GPC5: variants seen among roughly 807,000 people sequenced by gnomAD.
GPC5 encodes glypican-5.
In GPC5, 47 loss-of-function variants were observed where a neutral mutation model predicts 53.9. That is an observed-to-expected ratio of 0.87 (90% CI 0.69 to 1.11). The LOEUF (loss-of-function observed/expected upper bound fraction) is 1.11, where lower values mean the gene tolerates loss of function less well. Ranked by LOEUF, GPC5 falls within the 50% of genes most tolerant of loss-of-function variation. The pLI is 0.00. For missense variants in GPC5, 748 were observed against 713.1 expected, an observed-to-expected ratio of 1.05 and a Z score of -0.56; for synonymous variants, 286 against 263.3, an observed-to-expected ratio of 1.09 and a Z score of -0.84.
At chr13:92,748,546 CT>C (rs1255325001) in intron 7 of GPC5, among the ~76,000 whole-genome samples, 1 of 151,878 alleles carries the variant, frequency 6.6e-6, no homozygotes, top group Non-Finnish European at 1.5e-5. Flanking sequence ...TGGTCTTGAA[CT>C]CCTGACCTTG....
chr13:92,370,254 G>T (rs910859611), intron 7 of GPC5, among the ~76,000 whole-genome samples: 5 of 152,136 alleles, frequency 3.3e-5, no homozygotes, highest in African/African-American at 9.7e-5. Context: ...GTTCTTAGGT[G>T]CATGAGTTTT....
intron 7 of GPC5, among the ~76,000 whole-genome samples, chr13:92,569,849 C>A (rs115723880): frequency 6.6e-6 from 1 of 152,138 alleles, no homozygotes; most frequent in Non-Finnish European, 1.5e-5. Context: ...TGATACAGCA[C>A]GGAACTATCA....
At chr13:91,762,303 A>T (rs1422618042) in intron 5 of GPC5, among the ~76,000 whole-genome samples, 1 of 140,268 alleles carries the variant, frequency 7.1e-6, no homozygotes, top group African/African-American at 2.8e-5. Flanking sequence ...TAATTTTGTT[A>T]ACCTCATTTT....
intron 6 of GPC5, among the ~76,000 whole-genome samples, chr13:92,119,491 C>CG (rs1205544998): frequency 6.7e-6 from 1 of 148,348 alleles, no homozygotes; most frequent in Admixed American, 6.7e-5. Flanking sequence ...CTCCGCCCCC[C>CG]GGGGTTCACA....
At chr13:91,789,460 T>A (rs1178979018) in intron 5 of GPC5, among the ~76,000 whole-genome samples, 3 of 152,118 alleles carry the variant, frequency 2.0e-5, no homozygotes, top group African/African-American at 7.2e-5. Flanking sequence ...ATAAAAACAA[T>A]TTTTCCATAT....
chr13:92,756,090 T>C (rs894533341), intron 7 of GPC5, among the ~76,000 whole-genome samples: 2 of 151,858 alleles, frequency 1.3e-5, no homozygotes, highest in Non-Finnish European at 2.9e-5. Context: ...AATAAAATAC[T>C]GGCAAAACGA....
At chr13:91,739,291 T>C (rs1434690688) in intron 4 of GPC5, among the ~76,000 whole-genome samples, 2 of 151,296 alleles carry the variant, frequency 1.3e-5, no homozygotes, top group East Asian at 3.9e-4. Context: ...CCTGGCCCTT[T>C]TACCTGCCTC....
intron 7 of GPC5, among the ~76,000 whole-genome samples, chr13:92,450,509 GATTTTAGAGC>G (rs1878018538): frequency 2.0e-5 from 3 of 152,132 alleles, no homozygotes; most frequent in African/African-American, 7.2e-5. Flanking sequence ...AAAAGTTCTG[GATTTTAGAGC>G]ATTTTAGAGT....
At chr13:91,677,415 G>T (rs986925015) in intron 2 of GPC5, among the ~76,000 whole-genome samples, 1 of 152,156 alleles carries the variant, frequency 6.6e-6, no homozygotes, top group African/African-American at 2.4e-5. Flanking sequence ...TAGCTATAAG[G>T]CCATGATATT....
intron 7 of GPC5, among the ~76,000 whole-genome samples, chr13:92,238,382 T>C (rs917130946): frequency 1.3e-5 from 2 of 152,052 alleles, no homozygotes; most frequent in South Asian, 2.1e-4. Flanking sequence ...TTCTATCCTT[T>C]TGATTATAAC....
At chr13:91,571,718 C>A (rs1385654642) in intron 2 of GPC5, among the ~76,000 whole-genome samples, 3 of 127,558 alleles carry the variant, frequency 2.4e-5, no homozygotes, top group Non-Finnish European at 4.8e-5. Flanking sequence ...GAGCAAGACT[C>A]TGTCTCAAAT....
At chr13:91,739,789 G>C (rs948488538) in intron 4 of GPC5, among the ~76,000 whole-genome samples, 13 of 151,396 alleles carry the variant, frequency 8.6e-5, no homozygotes, top group Non-Finnish European at 2.9e-5. Flanking sequence ...TATTCCATAG[G>C]TTACACAGGT....
intron 7 of GPC5, among the ~76,000 whole-genome samples, chr13:92,299,359 T>G (rs750914138): frequency 2.0e-5 from 3 of 152,222 alleles, no homozygotes; most frequent in Non-Finnish European, 4.4e-5. Flanking sequence ...AGAAAGCCTT[T>G]GGTGGTTCAT....
intron 7 of GPC5, among the ~76,000 whole-genome samples, chr13:92,432,548 T>C (rs984275631): frequency 6.6e-6 from 1 of 151,328 alleles, no homozygotes; most frequent in African/African-American, 2.4e-5. Context: ...CTATTTTTTT[T>C]TTTTTTTAAA....
Position 91,458,742 on chromosome 13 carries a change from A to G in GPC5, c.325+9820A>G, listed in dbSNP as rs1218085148. Among the ~76,000 whole-genome samples the G allele has an allele frequency of 2.0e-5, 3 of 152,184 alleles. No individual in the cohort carries two copies. The East Asian group carries it at 5.8e-4, about 29-fold the overall frequency. ...AAAGAAGTCATTATATGAAAAAGACACTTGCACACATGTGTTTATAGCAGC... is the reference window on the plus strand; with the variant it reads ...AAAGAAGTCATTATATGAAAAAGACGCTTGCACACATGTGTTTATAGCAGC... On this transcript the variant is annotated intron_variant, in intron 2 of 7. Coordinates refer to ENST00000377067, the MANE Select transcript of GPC5 (RefSeq NM_004466.6).
chr13:91,412,520 C>T lies in GPC5; in HGVS notation c.163+13311C>T, dbSNP rs190236110. On this transcript the variant is annotated intron_variant, in intron 1 of 7. Transcript: ENST00000377067. The stretch of plus-strand genomic sequence containing the variant: ...GTTAGCATCCTTAATCATAAATGAA[C>T]CCTCATAAATTGGTAACAAATACAC... 6.8e-4 allele frequency among the ~76,000 whole-genome samples: 103 copies of T among 152,140 alleles called. 1 individual carries two copies. Among genetic ancestry groups the T allele is most frequent in the African/African-American group, 2.2e-3 (92 of 41,492 alleles).
chr13:91,779,259 G>A (rs547471579), intron 5 of GPC5, among the ~76,000 whole-genome samples: 70 of 152,246 alleles, frequency 4.6e-4, no homozygotes, highest in African/African-American at 1.4e-3. Flanking sequence ...AACTTTTTGA[G>A]TCTTTTGTAA....
At chr13:92,406,284 A>G (rs749106917) in intron 7 of GPC5, among the ~76,000 whole-genome samples, 4 of 152,222 alleles carry the variant, frequency 2.6e-5, no homozygotes, top group African/African-American at 4.8e-5. Flanking sequence ...TAAACTTTGC[A>G]TTCATTGCTA....
intron 5 of GPC5, among the ~76,000 whole-genome samples, chr13:91,892,424 A>C (rs2039396423): frequency 6.6e-6 from 1 of 151,698 alleles, no homozygotes. Flanking sequence ...CAAATTAGAA[A>C]AAATATTCTT....
Sources: allele counts gnomAD v4.1 joint callset (sites outside exome capture counted in the v4.1 genomes callset), GRCh38; gene constraint gnomAD v4.1.1; transcripts MANE v1.5; gene names NCBI Gene and HGNC (gene_info 2026-07-23, HGNC 2026-07-21).